The following AMOTL1 variants were observed in gnomAD, a reference collection of about 807,000 sequenced individuals.
AMOTL1 encodes angiomotin like 1.
Under a neutral mutation model 102.9 loss-of-function variants are expected in AMOTL1, and 45 were observed. The observed-to-expected ratio is 0.44, with a 90% CI of 0.34 to 0.56. The LOEUF is 0.56. AMOTL1 is among the 20% of genes least tolerant of loss of function. AMOTL1 has a pLI of 0.01. For synonymous variants in AMOTL1, 481 were observed against 484.7 expected (o/e 0.99, Z 0.10); for missense variants, 1,114 against 1,225.6 (o/e 0.91, Z 1.36).
intron 3 of AMOTL1, among the ~76,000 whole-genome samples, chr11:94,811,590 A>C (rs1205948781): frequency 6.6e-6 from 1 of 151,720 alleles, no homozygotes; most frequent in Non-Finnish European, 1.5e-5. Flanking sequence ...GCCAATTCAG[A>C]GGCCTTGTTC....
intron 2 of AMOTL1, among the ~76,000 whole-genome samples, chr11:94,731,019 G>GAGTTT (rs1950340380): frequency 1.3e-5 from 2 of 152,298 alleles, no homozygotes; most frequent in Admixed American, 1.3e-4. Flanking sequence ...TCCATACTGT[G>GAGTTT]ACCATCTCCA....
Position 94,768,416 on chromosome 11 carries a change from C to T in AMOTL1, c.-96C>T. ...TCGGGTTTGGGGCTGGAGGTGAAGCCCTGTGTGAATGGGGTTGATTGTCCG... is the reference window on the plus strand; with the variant it reads ...TCGGGTTTGGGGCTGGAGGTGAAGCTCTGTGTGAATGGGGTTGATTGTCCG... On this transcript the variant is annotated 5_prime_UTR_variant, in exon 1 of 13. Coordinates refer to ENST00000433060, the MANE Select transcript of AMOTL1 (RefSeq NM_130847.3). 3 of 1,536,124 alleles carry T rather than the reference C, an allele frequency of 2.0e-6. No individual in the cohort carries two copies. The highest frequency in any genetic ancestry group is 1.7e-6 in the Non-Finnish European group (2 of 1,143,252).
chr11:94,809,736 G>A (rs1267375205), intron 3 of AMOTL1, among the ~76,000 whole-genome samples: 1 of 152,186 alleles, frequency 6.6e-6, no homozygotes, highest in African/African-American at 2.4e-5. Context: ...AATAATGTAT[G>A]TTGACAATTC....
intron 3 of AMOTL1, among the ~76,000 whole-genome samples, chr11:94,755,010 T>G (rs926820283): frequency 1.2e-4 from 19 of 152,298 alleles, no homozygotes; most frequent in Admixed American, 1.2e-3. Context: ...TTAGTAGGTG[T>G]GATAAATGGT....
At chr11:94,833,859 G>T (rs1003094545) in intron 6 of AMOTL1, among the ~76,000 whole-genome samples, 1 of 152,180 alleles carries the variant, frequency 6.6e-6, no homozygotes, top group African/African-American at 2.4e-5. Context: ...TAATGGCAGT[G>T]AGAAAAAGGG....
chr11:94,768,258 G>A, upstream of AMOTL1: 1 of 1,212,452 alleles, frequency 8.2e-7, no homozygotes, highest in Non-Finnish European at 1.0e-6. Context: ...CCAGCGGCCG[G>A]GCGCCACGGC....
intron 3 of AMOTL1, among the ~76,000 whole-genome samples, chr11:94,814,069 A>G (rs760202924): frequency 4.6e-5 from 7 of 152,290 alleles, no homozygotes; most frequent in Admixed American, 2.0e-4. Context: ...TGGGGCTTCT[A>G]TCTTTTAACA....
chr11:94,861,082 G>T (rs1281544359), intron 9 of AMOTL1, among the ~76,000 whole-genome samples: 1 of 152,092 alleles, frequency 6.6e-6, no homozygotes, highest in Non-Finnish European at 1.5e-5. Flanking sequence ...TGACCGTTTG[G>T]GAATCATTTT....
intron 1 of AMOTL1, among the ~76,000 whole-genome samples, chr11:94,715,858 T>C (rs565517463): frequency 2.3e-4 from 35 of 152,236 alleles, no homozygotes; most frequent in African/African-American, 8.4e-4. Flanking sequence ...ATTTATCTTA[T>C]TTAGGTTCAC....
At chr11:94,816,652 C>G (rs1195773827) in intron 3 of AMOTL1, among the ~76,000 whole-genome samples, 1 of 151,942 alleles carries the variant, frequency 6.6e-6, no homozygotes, top group Non-Finnish European at 1.5e-5. Flanking sequence ...GTGTAACTTT[C>G]TATATTTTGC....
At chr11:94,855,962 C>T (rs573102049) in intron 8 of AMOTL1, among the ~76,000 whole-genome samples, 1 of 152,294 alleles carries the variant, frequency 6.6e-6, no homozygotes, top group Non-Finnish European at 1.5e-5. Flanking sequence ...TGATGGCAGA[C>T]CCCCAGCTGT....
chr11:94,730,066 C>A (rs901681664), intron 2 of AMOTL1, among the ~76,000 whole-genome samples: 1 of 152,174 alleles, frequency 6.6e-6, no homozygotes, highest in Non-Finnish European at 1.5e-5. Context: ...CACCCAAAAA[C>A]CAACTGTCAT....
At chr11:94,766,750 A>G (rs529220650), upstream of AMOTL1, among the ~76,000 whole-genome samples, 1 of 152,204 alleles carries the variant, frequency 6.6e-6, no homozygotes, top group African/African-American at 2.4e-5. Flanking sequence ...TGGCTTTGCT[A>G]CTAAACTTGT....
At chr11:94,840,681 T>TATATATATATATATAC (rs1166713705) in intron 6 of AMOTL1, among the ~76,000 whole-genome samples, 14 of 104,784 alleles carry the variant, frequency 1.3e-4, no homozygotes, top group South Asian at 3.4e-4. Flanking sequence ...TATATATATA[T>TATATATATATATATAC]ACACACACAC....
chr11:94,808,937 C>T (rs918815921), intron 3 of AMOTL1, among the ~76,000 whole-genome samples: 5 of 151,308 alleles, frequency 3.3e-5, no homozygotes, highest in Admixed American at 3.3e-4. Context: ...TCCTTTTCTA[C>T]CAAGTCTCTA....
intron 1 of AMOTL1, among the ~76,000 whole-genome samples, chr11:94,778,444 A>G (rs1951058430): frequency 6.6e-6 from 1 of 152,216 alleles, no homozygotes; most frequent in Non-Finnish European, 1.5e-5. Context: ...ATTCACACCC[A>G]AACTGTGCCA....
rs568101315 is a variant in AMOTL1 at position 94,816,475 on chromosome 11, A to G, written c.1122-5055A>G. Among the ~76,000 whole-genome samples, 3 of 152,314 alleles carry G rather than the reference A, an allele frequency of 2.0e-5. No homozygotes were observed. In the South Asian group the frequency reaches 6.2e-4, roughly 32 times the overall value. On this transcript the variant is annotated intron_variant, in intron 3 of 12. Transcript: ENST00000433060. The stretch of plus-strand genomic sequence containing the variant: ...GATAATAAATGGATACCCCACAGGG[A>G]ATAGCAGTGGCACTGCAGAAGATCT...
intron 4 of AMOTL1, among the ~76,000 whole-genome samples, 165 bp from the exon 5 acceptor site, chr11:94,829,885 G>A (rs1237171891): frequency 3.9e-5 from 6 of 152,330 alleles, no homozygotes; most frequent in Non-Finnish European, 8.8e-5. Context: ...GAGAGCAGGT[G>A]GGGGAGTGAA....
intron 8 of AMOTL1, among the ~76,000 whole-genome samples, chr11:94,854,697 G>A (rs1952624214): frequency 6.6e-6 from 1 of 152,146 alleles, no homozygotes; most frequent in African/African-American, 2.4e-5. Flanking sequence ...TGTTAAAGTT[G>A]CAGAGGCCAG....
Sources: gnomAD v4.1 joint callset for allele counts (sites outside exome capture counted in the v4.1 genomes callset) on GRCh38, gnomAD v4.1.1 for gene constraint, MANE v1.5 for transcripts, NCBI Gene and HGNC (gene_info 2026-07-23, HGNC 2026-07-21) for gene names.